Variants in AGPAT4 observed in about 807,000 individuals in gnomAD.
AGPAT4 encodes 1-acyl-sn-glycerol-3-phosphate acyltransferase delta.
A neutral mutation model predicts 48.0 loss-of-function variants in AGPAT4; 15 were observed. The observed-to-expected ratio is 0.31, with a 90% CI of 0.21 to 0.48. The LOEUF (loss-of-function observed/expected upper bound fraction) is 0.48, where lower values mean the gene tolerates loss of function less well. Among genes scored for constraint, AGPAT4 ranks in the 20% least tolerant of loss-of-function variants. AGPAT4 has a pLI of 0.99. For synonymous variants in AGPAT4, 178 were observed against 198.7 expected (o/e 0.90, Z 0.88); for missense variants, 314 against 482.5 (o/e 0.65, Z 3.27).
chr6:161,245,580 C>T lies in AGPAT4; in HGVS notation c.-89-13278G>A, dbSNP rs1782625289. Among the ~76,000 whole-genome samples the T allele has an allele frequency of 6.6e-6, 1 of 152,084 alleles. No homozygotes were observed. The highest frequency in any genetic ancestry group is 1.5e-5 in the Non-Finnish European group (1 of 68,022). Reference sequence around the variant, plus strand: ...TGTGGGGTGGTTCAGCGAGGGGCTGCTCAGGGGAGCAGTTTAGGGGGACAC... The same window carrying T: ...TGTGGGGTGGTTCAGCGAGGGGCTGTTCAGGGGAGCAGTTTAGGGGGACAC... On this transcript the variant is annotated intron_variant, in intron 1 of 8. Coordinates refer to ENST00000320285, the MANE Select transcript of AGPAT4 (RefSeq NM_020133.3). The surrounding 1 kb of genome is among the most constrained non-coding windows in gnomAD (Gnocchi z 5.2).
At chr6:161,248,594 A>AC (rs1554240460) in intron 1 of AGPAT4, among the ~76,000 whole-genome samples, 12,875 of 137,294 alleles carry the variant, frequency 0.094, 994 homozygotes, top group East Asian at 0.28. Context: ...AAAAAAAAAA[A>AC]CTAGGAATAC....
intron 2 of AGPAT4, among the ~76,000 whole-genome samples, chr6:161,168,604 C>T (rs769582910): frequency 6.6e-6 from 1 of 152,118 alleles, no homozygotes; most frequent in Non-Finnish European, 1.5e-5. Flanking sequence ...AAGAGCCTGG[C>T]ACATGGATGC....
Position 161,197,387 on chromosome 6 carries a change from A to G in AGPAT4, c.179-30970T>C, listed in dbSNP as rs1031266289. Among the ~76,000 whole-genome samples, 7 of 152,276 alleles carry G rather than the reference A, an allele frequency of 4.6e-5. No individual in the cohort carries two copies. Among genetic ancestry groups the G allele is most frequent in the Middle Eastern group, 3.4e-3 (1 of 294 alleles). On this transcript the variant is annotated intron_variant, in intron 2 of 8. Coordinates refer to ENST00000320285, the MANE Select transcript of AGPAT4 (RefSeq NM_020133.3). This position sits in a 1 kb window ranked among gnomAD's most constrained non-coding sequence, Gnocchi z 5.7. ...CACCTGCTTATGTTTATTTCTTAAC[A>G]TGTTATTCCATGTGGTCATGGTAAA...
intron 1 of AGPAT4, among the ~76,000 whole-genome samples, chr6:161,263,935 C>T (rs1218029133): frequency 6.6e-6 from 1 of 152,184 alleles, no homozygotes; most frequent in East Asian, 1.9e-4. Flanking sequence ...TGTGCTCAGG[C>T]ATTGCTAGCT....
intron 2 of AGPAT4, among the ~76,000 whole-genome samples, chr6:161,199,209 T>C (rs1384318685): frequency 6.6e-6 from 1 of 152,158 alleles, no homozygotes; most frequent in Non-Finnish European, 1.5e-5. Context: ...AGCTTTTCTA[T>C]AGGACTGCGA....
Position 161,139,330 on chromosome 6 carries a change from C to T in AGPAT4, c.1042+92G>A, listed in dbSNP as rs925069860. The T allele has an allele frequency of 7.2e-6, 10 of 1,383,446 alleles. No individual in the cohort carries two copies. Among genetic ancestry groups the T allele is most frequent in the African/African-American group, 4.3e-5 (3 of 69,818 alleles). 85.7% of individuals were successfully genotyped at this position (1,383,446 alleles called of 1,614,324 possible). A position where few individuals can be genotyped will look rare whatever the true frequency, so the allele number is the denominator to read the frequency against. On this transcript the variant is annotated intron_variant, in intron 8 of 8. Transcript: ENST00000320285. This position sits in a 1 kb window ranked among gnomAD's most constrained non-coding sequence, Gnocchi z 9.1. Reference sequence around the variant, plus strand: ...AGCCTGCTCCTCATCCACGGCACAACTGCCTATACAGATGGCCTTCGTCCC... The same window carrying T: ...AGCCTGCTCCTCATCCACGGCACAATTGCCTATACAGATGGCCTTCGTCCC...
In AGPAT4 at chr6:161,231,807, T is replaced by C. The variant is rs1434510041; in HGVS notation, c.178+229A>G. 6.6e-6 allele frequency among the ~76,000 whole-genome samples: 1 copy of C among 152,188 alleles called. No homozygotes were observed. Among genetic ancestry groups the C allele is most frequent in the Non-Finnish European group, 1.5e-5 (1 of 68,028 alleles). ...AACTAATGGAATGCGTATTTACTTTTCATAGTATACCTGTCTGTGGCTGTT... is the reference window on the plus strand; with the variant it reads ...AACTAATGGAATGCGTATTTACTTTCCATAGTATACCTGTCTGTGGCTGTT... On this transcript the variant is annotated intron_variant, in intron 2 of 8. Transcript: ENST00000320285. The surrounding 1 kb of genome is among the most constrained non-coding windows in gnomAD (Gnocchi z 5.3).
rs567109019 is a variant in AGPAT4 at position 161,146,436 on chromosome 6, C to T, written c.843+88G>A. 2.2e-5 allele frequency: 29 copies of T among 1,302,338 alleles called. No homozygotes were observed. The highest frequency in any genetic ancestry group is 4.7e-5 in the East Asian group (2 of 42,654). 80.7% of individuals were successfully genotyped at this position (1,302,338 alleles called of 1,614,324 possible). A position where few individuals can be genotyped will look rare whatever the true frequency, so the allele number is the denominator to read the frequency against. Reference sequence around the variant, plus strand: ...ACTGGCTCTGTGAGATCTCGCCCACCGGAGAAAGGCCTGCTACCACACAAC... The same window carrying T: ...ACTGGCTCTGTGAGATCTCGCCCACTGGAGAAAGGCCTGCTACCACACAAC... On this transcript the variant is annotated intron_variant, in intron 7 of 8. Coordinates refer to ENST00000320285, the MANE Select transcript of AGPAT4 (RefSeq NM_020133.3). The surrounding 1 kb of genome is among the most constrained non-coding windows in gnomAD (Gnocchi z 7.1).
At position 161,138,851 on chromosome 6, in the gene AGPAT4, A is replaced by G. The variant is rs1779160228; in HGVS notation, c.1042+571T>C. ...AGCAGGCACGACAGGCTGCCCCGCC[A>G]GAGGCAAGGAGCAGGGTGCACAGGG... On this transcript the variant is annotated intron_variant, in intron 8 of 8. Coordinates refer to ENST00000320285, the MANE Select transcript of AGPAT4 (RefSeq NM_020133.3). This position sits in a 1 kb window ranked among gnomAD's most constrained non-coding sequence, Gnocchi z 4.8. 6.6e-6 allele frequency among the ~76,000 whole-genome samples: 1 copy of G among 152,134 alleles called. No individual in the cohort carries two copies. The highest frequency in any genetic ancestry group is 2.1e-4 in the South Asian group (1 of 4,816).
rs3043142 is a variant in AGPAT4 at position 161,272,705 on chromosome 6, A to AACACACACACACACACAC, written c.-90+1215_-90+1232dup. Reference sequence around the variant, plus strand: ...TCCCTGCCCGCCTCCCATTTCCCTAAACACACACACACACACACACACACA... The same window carrying AACACACACACACACACAC: ...TCCCTGCCCGCCTCCCATTTCCCTAAACACACACACACACACACACACACACACACACACACACACACA... On this transcript the variant is annotated intron_variant, in intron 1 of 8. Transcript: ENST00000320285. This position sits in a 1 kb window ranked among gnomAD's most constrained non-coding sequence, Gnocchi z 4.2. Among the ~76,000 whole-genome samples, 1,418 of 147,148 alleles carry AACACACACACACACACAC rather than the reference A, an allele frequency of 9.6e-3. 21 individuals are homozygous for AACACACACACACACACAC. Among genetic ancestry groups the AACACACACACACACACAC allele is most frequent in the African/African-American group, 0.034 (1,355 of 39,886 alleles).
At chr6:161,191,577 C>A (rs1478429875) in intron 2 of AGPAT4, among the ~76,000 whole-genome samples, 2 of 152,112 alleles carry the variant, frequency 1.3e-5, no homozygotes, top group Non-Finnish European at 2.9e-5. Flanking sequence ...GAAACTAGAG[C>A]CAGACAGGAC....
intron 2 of AGPAT4, among the ~76,000 whole-genome samples, chr6:161,203,690 G>A (rs111378759): frequency 5.9e-5 from 9 of 152,176 alleles, no homozygotes; most frequent in Middle Eastern, 3.4e-3. Context: ...GAGCCACAGC[G>A]CCCGGCTGGT....
rs1227114059 is a variant in AGPAT4 at position 161,159,734 on chromosome 6, C to T, written c.349-5424G>A. On this transcript the variant is annotated intron_variant, in intron 3 of 8. Transcript: ENST00000320285. The surrounding 1 kb of genome is among the most constrained non-coding windows in gnomAD (Gnocchi z 4.1). ...TCTCAGCTCACTGCAATCTCTGCCTCCCGGGTTCAAGCGATTCTCCTGCCT... is the reference window on the plus strand; with the variant it reads ...TCTCAGCTCACTGCAATCTCTGCCTTCCGGGTTCAAGCGATTCTCCTGCCT... 6.6e-6 allele frequency among the ~76,000 whole-genome samples: 1 copy of T among 152,070 alleles called. No individual in the cohort carries two copies. Among genetic ancestry groups the T allele is most frequent in the Middle Eastern group, 3.2e-3 (1 of 316 alleles).
chr6:161,230,193 C>CA (rs1000259631), intron 2 of AGPAT4, among the ~76,000 whole-genome samples: 34 of 150,796 alleles, frequency 2.3e-4, no homozygotes, highest in African/African-American at 4.6e-4. Context: ...TACCATCAAT[C>CA]AAAAAAAAAT....
In AGPAT4 at chr6:161,267,998, AG is replaced by A. The variant is rs1452704319; in HGVS notation, c.-90+5939del. Among the ~76,000 whole-genome samples, 1 of 152,200 alleles carries A rather than the reference AG, an allele frequency of 6.6e-6. No individual in the cohort carries two copies. Among genetic ancestry groups the A allele is most frequent in the Non-Finnish European group, 1.5e-5 (1 of 68,038 alleles). ...TGGAATATGCCATGGCAAGGTGTGA[AG>A]GTACAGGGGAAAGCAGAGCCCAGAT... On this transcript the variant is annotated intron_variant, in intron 1 of 8. Coordinates refer to ENST00000320285, the MANE Select transcript of AGPAT4 (RefSeq NM_020133.3). The surrounding 1 kb of genome is among the most constrained non-coding windows in gnomAD (Gnocchi z 5.2).
intron 1 of AGPAT4, among the ~76,000 whole-genome samples, chr6:161,257,961 A>T (rs1782989601): frequency 6.6e-6 from 1 of 152,184 alleles, no homozygotes; most frequent in African/African-American, 2.4e-5. Flanking sequence ...CAGTAACGGT[A>T]CCAATGAAAT....
In AGPAT4 at chr6:161,251,292, G is replaced by T. The variant is rs1782797626; in HGVS notation, c.-89-18990C>A. Among the ~76,000 whole-genome samples the T allele has an allele frequency of 6.6e-6, 1 of 152,166 alleles. No homozygotes were observed. The highest frequency in any genetic ancestry group is 6.5e-5 in the Admixed American group (1 of 15,278). ...GTTGTATCCAAGGCATTTGTTGAAAGATCCTTCTCTACCTCATTGATTCCC... is the reference window on the plus strand; with the variant it reads ...GTTGTATCCAAGGCATTTGTTGAAATATCCTTCTCTACCTCATTGATTCCC... On this transcript the variant is annotated intron_variant, in intron 1 of 8. Transcript: ENST00000320285. The surrounding 1 kb of genome is among the most constrained non-coding windows in gnomAD (Gnocchi z 4.6).
At chr6:161,241,878 AT>A (rs1782503540) in intron 1 of AGPAT4, among the ~76,000 whole-genome samples, 2 of 152,144 alleles carry the variant, frequency 1.3e-5, no homozygotes, top group African/African-American at 4.8e-5. Context: ...GACTACAGGC[AT>A]GCACTATCAC....
Position 161,208,922 on chromosome 6 carries a change from G to A in AGPAT4, c.178+23114C>T, listed in dbSNP as rs1781451502. On this transcript the variant is annotated intron_variant, in intron 2 of 8. Coordinates refer to ENST00000320285, the MANE Select transcript of AGPAT4 (RefSeq NM_020133.3). The surrounding 1 kb of genome is among the most constrained non-coding windows in gnomAD (Gnocchi z 4.6). ...CAATGTAATCAGAACTACCATTGGG[G>A]AACACAAGCAAACCCACACCAGAAA... 6.6e-6 allele frequency among the ~76,000 whole-genome samples: 1 copy of A among 152,124 alleles called. No homozygotes were observed. The highest frequency in any genetic ancestry group is 1.5e-5 in the Non-Finnish European group (1 of 68,026).
Sources: gnomAD v4.1 joint callset for allele counts (sites outside exome capture counted in the v4.1 genomes callset) on GRCh38, gnomAD v4.1.1 for gene constraint, Gnocchi (gnomAD v3.1) non-coding constraint, MANE v1.5 for transcripts, NCBI Gene and HGNC (gene_info 2026-07-23, HGNC 2026-07-21) for gene names.